Variants in PPP3CA observed in about 807,000 individuals in gnomAD.
The protein encoded by PPP3CA is protein phosphatase 3 catalytic subunit alpha, also known as CAM-PRP catalytic subunit.
In PPP3CA, 14 loss-of-function variants were observed where a neutral mutation model predicts 66.5. The observed-to-expected ratio is 0.21, with a 90% CI of 0.14 to 0.33. The LOEUF is 0.33. Among genes scored for constraint, PPP3CA ranks in the 10% least tolerant of loss-of-function variants. The probability of loss-of-function intolerance (pLI) is 1.00; values close to 1 mark genes in which losing one functional copy is unlikely to be tolerated. For missense variants in PPP3CA, 317 were observed against 639.5 expected (o/e 0.50, Z 5.44); for synonymous variants, 232 against 226.2 (o/e 1.03, Z -0.23).
At chr4:101,134,569 T>C (rs766384138) in intron 2 of PPP3CA, among the ~76,000 whole-genome samples, 2 of 152,114 alleles carry the variant, frequency 1.3e-5, no homozygotes, top group Non-Finnish European at 2.9e-5. Flanking sequence ...CATTAAAACA[T>C]GAGGAAACAA....
At chr4:101,181,225 A>T (rs1459874840) in intron 2 of PPP3CA, among the ~76,000 whole-genome samples, 2 of 152,088 alleles carry the variant, frequency 1.3e-5, no homozygotes, top group East Asian at 1.9e-4. Context: ...TATTAAAATT[A>T]AAAAAATAAC....
At chr4:101,191,779 T>C (rs901938462) in intron 2 of PPP3CA, among the ~76,000 whole-genome samples, 1 of 152,092 alleles carries the variant, frequency 6.6e-6, no homozygotes, top group African/African-American at 2.4e-5. Context: ...GCCATGACCT[T>C]AAACTTGGCC....
chr4:101,297,969 C>T (rs1444358259), intron 1 of PPP3CA, among the ~76,000 whole-genome samples: 2 of 151,940 alleles, frequency 1.3e-5, no homozygotes, highest in East Asian at 1.9e-4. Context: ...AGAAATAGGA[C>T]CAGGAATCAG....
At chr4:101,276,727 C>T (rs1313603966) in intron 1 of PPP3CA, among the ~76,000 whole-genome samples, 2 of 152,060 alleles carry the variant, frequency 1.3e-5, no homozygotes, top group African/African-American at 2.4e-5. Flanking sequence ...TTGTTTGGAA[C>T]AGTTTTAGAT....
chr4:101,339,371 A>C (rs771685520), intron 1 of PPP3CA, among the ~76,000 whole-genome samples: 15 of 152,214 alleles, frequency 9.9e-5, no homozygotes, highest in Non-Finnish European at 1.8e-4. Context: ...TGACCAGCCT[A>C]AAGGGGAATA....
chr4:101,113,541 A>C lies in PPP3CA; in HGVS notation c.260-4463T>G, dbSNP rs139147133. Reference sequence around the variant, plus strand: ...CTAGGAAGGAGGGATGAACCTAAGAAGGCTGATAACACCACATGTCTTTGG... The same window carrying C: ...CTAGGAAGGAGGGATGAACCTAAGACGGCTGATAACACCACATGTCTTTGG... On this transcript the variant is annotated intron_variant, in intron 2 of 13. Coordinates refer to ENST00000394854, the MANE Select transcript of PPP3CA (RefSeq NM_000944.5). 6.2e-3 allele frequency among the ~76,000 whole-genome samples: 943 copies of C among 152,244 alleles called. 3 individuals are homozygous for C. Among genetic ancestry groups the C allele is most frequent in the Middle Eastern group, 0.014 (4 of 294 alleles).
intron 2 of PPP3CA, among the ~76,000 whole-genome samples, chr4:101,157,866 CA>C (rs770632810): frequency 8.6e-3 from 418 of 48,874 alleles, no homozygotes; most frequent in Middle Eastern, 0.053. Context: ...CCTTAGGAGG[CA>C]AAAAAAAAAA....
intron 1 of PPP3CA, among the ~76,000 whole-genome samples, chr4:101,313,590 C>T (rs1728792099): frequency 6.6e-6 from 1 of 152,050 alleles, no homozygotes; most frequent in Admixed American, 6.6e-5. Context: ...CCTAACTAGC[C>T]TCTTTGGCAA....
chr4:101,176,593 G>T (rs1379066499), intron 2 of PPP3CA, among the ~76,000 whole-genome samples: 3 of 152,104 alleles, frequency 2.0e-5, no homozygotes, highest in Admixed American at 6.6e-5. Context: ...TGACTATTTA[G>T]AGCAGAAAAT....
At chr4:101,237,617 C>T (rs1726169021) in intron 1 of PPP3CA, among the ~76,000 whole-genome samples, 2 of 152,090 alleles carry the variant, frequency 1.3e-5, no homozygotes, top group Admixed American at 1.3e-4. Context: ...ATTACAACCA[C>T]AAGCTTGCTT....
intron 1 of PPP3CA, among the ~76,000 whole-genome samples, chr4:101,287,429 C>T (rs1727879055): frequency 1.3e-5 from 2 of 152,106 alleles, no homozygotes; most frequent in African/African-American, 4.8e-5. Flanking sequence ...TGATGTTGAC[C>T]TTTACTTCTT....
At chr4:101,069,420 T>C (rs1048974467) in intron 8 of PPP3CA, among the ~76,000 whole-genome samples, 3 of 152,186 alleles carry the variant, frequency 2.0e-5, no homozygotes, top group Non-Finnish European at 1.5e-5. Context: ...TCTATATACT[T>C]TATATAACTT....
At chr4:101,281,839 C>T (rs907056504) in intron 1 of PPP3CA, among the ~76,000 whole-genome samples, 1 of 152,138 alleles carries the variant, frequency 6.6e-6, no homozygotes, top group East Asian at 1.9e-4. Flanking sequence ...TGCTTGTCTA[C>T]ATATAACAAA....
intron 1 of PPP3CA, among the ~76,000 whole-genome samples, chr4:101,339,212 A>C (rs1029223336): frequency 6.6e-6 from 1 of 152,216 alleles, no homozygotes; most frequent in Non-Finnish European, 1.5e-5. Context: ...GTAAACAGGG[A>C]AAGAGGTTTT....
intron 2 of PPP3CA, among the ~76,000 whole-genome samples, chr4:101,185,075 A>G (rs575273687): frequency 1.3e-5 from 2 of 152,238 alleles, no homozygotes; most frequent in South Asian, 2.1e-4. Context: ...ACTTGGTCCT[A>G]TGCTAAAGTC....
intron 1 of PPP3CA, among the ~76,000 whole-genome samples, chr4:101,214,144 G>A (rs1209161192): frequency 6.6e-6 from 1 of 152,040 alleles, no homozygotes; most frequent in South Asian, 2.1e-4. Flanking sequence ...CTTATTTTGG[G>A]GGGCTAACAT....
intron 1 of PPP3CA, among the ~76,000 whole-genome samples, chr4:101,254,125 C>T (rs1220883548): frequency 6.6e-6 from 1 of 152,024 alleles, no homozygotes; most frequent in Non-Finnish European, 1.5e-5. Flanking sequence ...TTAATCCTCA[C>T]AAAGTCCCAG....
rs1729970419 is a variant in PPP3CA, at chr4:101,345,936, A to AGGTCGGC, written c.58+796_58+802dup. On this transcript the variant is annotated intron_variant, in intron 1 of 13. Transcript: ENST00000394854. Reference sequence around the variant, plus strand: ...TGGAGAACCCTTTAAGAGCAATGACAGGTCGGCGGGGGACAGCCGGGGATG... The same window carrying AGGTCGGC: ...TGGAGAACCCTTTAAGAGCAATGACAGGTCGGCGGTCGGCGGGGGACAGCCGGGGATG... 5.9e-5 allele frequency among the ~76,000 whole-genome samples: 9 copies of AGGTCGGC among 152,310 alleles called. No homozygotes were observed. In the South Asian group the frequency reaches 1.9e-3, roughly 32 times the overall value.
At chr4:101,059,050 T>G (rs993517349) in intron 10 of PPP3CA, among the ~76,000 whole-genome samples, 3 of 152,142 alleles carry the variant, frequency 2.0e-5, no homozygotes, top group Admixed American at 2.0e-4. Context: ...TTTTAAAGAA[T>G]AAAAGGAATA....
Sources: allele counts gnomAD v4.1 joint callset (sites outside exome capture counted in the v4.1 genomes callset), GRCh38; gene constraint gnomAD v4.1.1; transcripts MANE v1.5; gene names NCBI Gene and HGNC (gene_info 2026-07-23, HGNC 2026-07-21).